The following MMP20 variants were observed in gnomAD, a reference collection of about 807,000 sequenced individuals.
MMP20 encodes the protein matrix metalloproteinase-20.
In MMP20, 50 loss-of-function variants were observed where a neutral mutation model predicts 51.8. The observed-to-expected ratio is 0.97, with a 90% CI of 0.77 to 1.22. The LOEUF is 1.22. MMP20 is among the 50% of genes most tolerant of loss of function. The pLI is 0.00. For missense variants in MMP20, 663 were observed against 601.4 expected (o/e 1.10, Z -1.07); for synonymous variants, 244 against 216.2 (o/e 1.13, Z -1.13).
chr11:102,591,391 G>A (rs1308947795), intron 8 of MMP20, among the ~76,000 whole-genome samples: 2 of 152,156 alleles, frequency 1.3e-5, no homozygotes, highest in African/African-American at 2.4e-5. Context: ...CTGAATCGCC[G>A]CTCAGAGAAA....
intron 2 of MMP20, among the ~76,000 whole-genome samples, chr11:102,612,738 C>CTTTTTTT (rs35861660): frequency 7.9e-6 from 1 of 127,198 alleles, no homozygotes; most frequent in Non-Finnish European, 1.6e-5. Flanking sequence ...TCTTTTCTTT[C>CTTTTTTT]TTTTTTTTTT....
At chr11:102,605,785 T>C (rs1859507203) in intron 6 of MMP20, among the ~76,000 whole-genome samples, 1 of 152,224 alleles carries the variant, frequency 6.6e-6, no homozygotes. Flanking sequence ...GATTGAATTC[T>C]GTCCCCAGCA....
rs375986440 is a variant in MMP20, at chr11:102,609,950, C to G, written c.604G>C (p.Asp202His). Residue 202 changes from aspartate to histidine, a missense_variant, in exon 4 of 10, where the codon GAT becomes CAT. By Grantham distance (81) the Asp-to-His change is moderately conservative. Coordinates refer to ENST00000260228, the MANE Select transcript of MMP20 (RefSeq NM_004771.4). ...AFAPGEGLGG[D>H]THFDNAEKWT... ...TTCTCAGCATTGTCGAAATGTGTAT[C>G]TCCTCCCAGGCCTTCTCCAGGAGCA... 9 of 1,614,016 alleles carry G rather than the reference C, an allele frequency of 5.6e-6. No homozygotes were observed. Among genetic ancestry groups the G allele is most frequent in the Admixed American group, 1.7e-5 (1 of 60,002 alleles).
rs1002163616 is a variant in MMP20, at chr11:102,577,181, G to A, written c.*145C>T. 7.7e-6 allele frequency: 5 copies of A among 649,492 alleles called. No homozygotes were observed. In the African/African-American group the frequency reaches 9.2e-5, roughly 12 times the overall value. The allele number at this position is 649,492 out of a possible 1,614,324, so 40.2% of individuals were successfully genotyped here. On this transcript the variant is annotated 3_prime_UTR_variant, in exon 10 of 10. Transcript: ENST00000260228. ...GATTATACAACTATGAAAAAAATTG[G>A]AAGTATTATTATTCTCAGTGAATTC... is the stretch of plus-strand genomic sequence containing the variant.
chr11:102,598,743 T>C (rs564740925), intron 6 of MMP20, among the ~76,000 whole-genome samples: 1 of 152,330 alleles, frequency 6.6e-6, no homozygotes, highest in Non-Finnish European at 1.5e-5. Context: ...GCATGCTGCC[T>C]GGTGCATCCA....
intron 7 of MMP20, 29 bp downstream of exon 7, chr11:102,594,592 T>A (rs1341051492): frequency 6.2e-7 from 1 of 1,612,744 alleles, no homozygotes; most frequent in African/African-American, 1.3e-5. Flanking sequence ...AGCCCTGCCA[T>A]TTCTTTCTTT....
chr11:102,604,020 GTT>G (rs55952766), intron 6 of MMP20, among the ~76,000 whole-genome samples: 75,722 of 146,300 alleles, frequency 0.52, 19,434 homozygotes, highest in South Asian at 0.65. Context: ...AAACAGAGGT[GTT>G]TTTTTTTTTT....
In MMP20 at chr11:102,594,612, G is replaced by A; in HGVS notation, c.1090+9C>T. 6.2e-7 allele frequency: 1 copy of A among 1,613,498 alleles called. No individual in the cohort carries two copies. Among genetic ancestry groups the A allele is most frequent in the South Asian group, 1.1e-5 (1 of 91,034 alleles). ...TGCCATTTCTTTCTTTGAGGGATCT[G>A]TAGGGTACCTTTGAAGAAGTAAGCA... On this transcript the variant is annotated intron_variant, in intron 7 of 9. Transcript: ENST00000260228.
chr11:102,584,443 A>T (rs1328335833), intron 8 of MMP20, among the ~76,000 whole-genome samples: 1 of 152,192 alleles, frequency 6.6e-6, no homozygotes, highest in African/African-American at 2.4e-5. Flanking sequence ...AGAAATGGCT[A>T]TTCAGATCCT....
intron 1 of MMP20, among the ~76,000 whole-genome samples, chr11:102,623,742 G>A (rs1200318082): frequency 6.6e-6 from 1 of 152,178 alleles, no homozygotes; most frequent in African/African-American, 2.4e-5. Context: ...TAGTTTTCCT[G>A]AACTGTGGAT....
intron 6 of MMP20, among the ~76,000 whole-genome samples, chr11:102,596,388 C>T (rs937828564): frequency 7.2e-5 from 11 of 152,180 alleles, no homozygotes; most frequent in Non-Finnish European, 1.5e-4. Context: ...CCAGCCTCTC[C>T]AAGCCTCAGT....
Position 102,577,228 on chromosome 11 carries a change from G to T in MMP20, c.*98C>A. The T allele has an allele frequency of 2.5e-6, 2 of 810,522 alleles. No individual in the cohort carries two copies. Among genetic ancestry groups the T allele is most frequent in the African/African-American group, 1.7e-5 (1 of 59,378 alleles). 50.2% of individuals were successfully genotyped at this position (810,522 alleles called of 1,614,324 possible). A position where few individuals can be genotyped will look rare whatever the true frequency, so the allele number is the denominator to read the frequency against. ...ATTCTAATTTGATTTGAAGGCCTTTGGAAGAATCCCTCTCCTACATTCTGC... is the reference window on the plus strand; with the variant it reads ...ATTCTAATTTGATTTGAAGGCCTTTTGAAGAATCCCTCTCCTACATTCTGC... On this transcript the variant is annotated 3_prime_UTR_variant, in exon 10 of 10. Transcript: ENST00000260228.
chr11:102,618,221 A>G (rs1167751915), intron 1 of MMP20, among the ~76,000 whole-genome samples: 1 of 152,110 alleles, frequency 6.6e-6, no homozygotes, highest in African/African-American at 2.4e-5. Context: ...AATATTTTCA[A>G]TCCACAATTG....
chr11:102,624,013 G>A (rs2245697), intron 1 of MMP20, among the ~76,000 whole-genome samples: 112,732 of 152,270 alleles, frequency 0.74, 42,059 homozygotes, highest in East Asian at 0.92. Context: ...CAACATGGTT[G>A]TGCTGGGCAT....
chr11:102,617,661 T>G (rs1859692094), intron 1 of MMP20, among the ~76,000 whole-genome samples: 1 of 152,226 alleles, frequency 6.6e-6, no homozygotes, highest in African/African-American at 2.4e-5. Context: ...TTTGTTTCCA[T>G]GAGACAACTT....
rs17099057 is a variant in MMP20, at chr11:102,616,145, G to C, written c.374+667C>G. On this transcript the variant is annotated intron_variant, in intron 2 of 9. Coordinates refer to ENST00000260228, the MANE Select transcript of MMP20 (RefSeq NM_004771.4). ...GGAAGAAAGAGGGCAGGGAAGGAGT[G>C]AGGGGAGCTTGGGGCTAAGAGTGGA... Among the ~76,000 whole-genome samples, 1,452 of 152,258 alleles carry C rather than the reference G, an allele frequency of 9.5e-3. 36 individuals are homozygous for C. The highest frequency in any genetic ancestry group is 0.033 in the African/African-American group (1,384 of 41,544).
chr11:102,591,255 G>A (rs1476503531), intron 8 of MMP20, among the ~76,000 whole-genome samples: 1 of 152,222 alleles, frequency 6.6e-6, no homozygotes, highest in Non-Finnish European at 1.5e-5. Context: ...ATGTGTTGGA[G>A]TGCGTAAAGT....
chr11:102,622,458 T>C lies in MMP20; in HGVS notation c.126+2736A>G, dbSNP rs181447882. On this transcript the variant is annotated intron_variant, in intron 1 of 9. Transcript: ENST00000260228. ...TTCCAAGCAGCTGCTGTTTCCTCCG[T>C]CTGGACTGCCCCATCTCCAGGTCTT... is the stretch of plus-strand genomic sequence containing the variant. Among the ~76,000 whole-genome samples the C allele has an allele frequency of 1.8e-3, 276 of 152,298 alleles. 2 individuals are homozygous for C. Among genetic ancestry groups the C allele is most frequent in the African/African-American group, 6.1e-3 (255 of 41,566 alleles).
chr11:102,586,335 C>T (rs1631143), intron 8 of MMP20, among the ~76,000 whole-genome samples: 109,081 of 152,014 alleles, frequency 0.72, 39,668 homozygotes, highest in East Asian at 0.98. Context: ...TTATTGTAGG[C>T]ATATTCAGAC....
Sources: allele counts gnomAD v4.1 joint callset (sites outside exome capture counted in the v4.1 genomes callset), GRCh38; gene constraint gnomAD v4.1.1; transcripts MANE v1.5; gene names NCBI Gene and HGNC (gene_info 2026-07-23, HGNC 2026-07-21).